Variants in SEMA3E observed in about 807,000 individuals in gnomAD.
The protein encoded by SEMA3E is semaphorin-3E.
Under a neutral mutation model 93.6 loss-of-function variants are expected in SEMA3E, and 49 were observed. The observed-to-expected ratio is 0.52, with a 90% CI of 0.42 to 0.66. The LOEUF is 0.66. Among genes scored for constraint, SEMA3E ranks in the 30% least tolerant of loss-of-function variants. The probability of loss-of-function intolerance (pLI) is 0.00; values close to 1 mark genes in which losing one functional copy is unlikely to be tolerated. For missense variants in SEMA3E, 906 were observed against 964.8 expected (o/e 0.94, Z 0.81); for synonymous variants, 363 against 330.7 (o/e 1.10, Z -1.06).
At chr7:83,561,607 C>T (rs531699641) in intron 1 of SEMA3E, among the ~76,000 whole-genome samples, 181 of 152,202 alleles carry the variant, frequency 1.2e-3, no homozygotes, top group African/African-American at 4.2e-3. Context: ...TGCCCTATTA[C>T]ATAATCTCAT....
At position 83,457,529 on chromosome 7, in the gene SEMA3E, T is replaced by C. The variant is rs141397656; in HGVS notation, c.456+8953A>G. On this transcript the variant is annotated intron_variant, in intron 4 of 16. Coordinates refer to ENST00000643230, the MANE Select transcript of SEMA3E (RefSeq NM_012431.3). ...CTTTCATGTTTGACATCAGACAAAA[T>C]GCTAAGTTACAGAAACTCTCCTGCT... Among the ~76,000 whole-genome samples, 411 of 152,328 alleles carry C rather than the reference T, an allele frequency of 2.7e-3. 2 individuals carry two copies. Among genetic ancestry groups the C allele is most frequent in the African/African-American group, 9.5e-3 (393 of 41,578 alleles).
chr7:83,469,324 T>A, intron 2 of SEMA3E, 22 bp from the exon 3 acceptor site: 3 of 1,537,640 alleles, frequency 2.0e-6, no homozygotes, highest in Non-Finnish European at 2.7e-6. Context: ...GATAATGTAC[T>A]ATTATGACAA....
At chr7:83,641,555 C>T (rs11974272) in intron 1 of SEMA3E, 2,636 of 170,134 alleles carry the variant, frequency 0.015, 69 homozygotes, top group African/African-American at 0.059. Flanking sequence ...CTCCAAGGTG[C>T]CATCAGATAA....
At chr7:83,626,120 A>G (rs1158279811) in intron 1 of SEMA3E, among the ~76,000 whole-genome samples, 1 of 152,162 alleles carries the variant, frequency 6.6e-6, no homozygotes, top group Non-Finnish European at 1.5e-5. Flanking sequence ...AATTTTGTTG[A>G]AGATTTTCAC....
At chr7:83,396,784 C>CAAAA (rs150931802) in intron 11 of SEMA3E, 55 bp from the exon 12 acceptor site, 4 of 1,167,300 alleles carry the variant, frequency 3.4e-6, no homozygotes, top group East Asian at 4.9e-5. Flanking sequence ...GTACGGTTTT[C>CAAAA]AAAAAAACCA....
intron 4 of SEMA3E, among the ~76,000 whole-genome samples, chr7:83,450,351 C>T (rs145696979): frequency 0.01 from 1,525 of 152,182 alleles, 11 homozygotes; most frequent in Admixed American, 0.015. Context: ...AGCACAATTG[C>T]TATAAACAAT....
intron 15 of SEMA3E, among the ~76,000 whole-genome samples, chr7:83,386,670 G>A (rs995246244): frequency 2.0e-5 from 3 of 152,154 alleles, no homozygotes; most frequent in African/African-American, 7.2e-5. Context: ...ATGAGATAAA[G>A]AGGTAAGTCA....
intron 1 of SEMA3E, among the ~76,000 whole-genome samples, chr7:83,564,336 T>C (rs1792097401): frequency 6.6e-6 from 1 of 152,028 alleles, no homozygotes; most frequent in Admixed American, 6.6e-5. Context: ...GGAGAATCAC[T>C]TGAACTTGGG....
At chr7:83,446,660 C>T (rs1332281600) in intron 4 of SEMA3E, among the ~76,000 whole-genome samples, 2 of 152,182 alleles carry the variant, frequency 1.3e-5, no homozygotes, top group Non-Finnish European at 2.9e-5. Context: ...CTCTACGTGA[C>T]CCTTCATAGT....
chr7:83,483,256 A>G (rs1790185832), intron 2 of SEMA3E, among the ~76,000 whole-genome samples: 1 of 152,202 alleles, frequency 6.6e-6, no homozygotes, highest in African/African-American at 2.4e-5. Flanking sequence ...AAGAGAAAAT[A>G]TATTTCAATG....
chr7:83,490,259 T>C lies in SEMA3E; in HGVS notation c.131A>G (p.Asn44Ser), dbSNP rs1790354577. 3.1e-6 allele frequency: 5 copies of C among 1,612,294 alleles called. No homozygotes were observed. In the South Asian group the frequency reaches 3.3e-5, roughly 11 times the overall value. ...RLSHKELLNL[N>S]RTSIFHSPFG... ...AGGGCTATGAAATATTGATGTTCTG[T>C]TCAGATTCAAGAGCTCTGAAATGCA... Residue 44 changes from asparagine (N) to serine (S), a missense_variant, in exon 2 of 17, where the codon AAC becomes AGC. Transcript: ENST00000643230.
intron 4 of SEMA3E, among the ~76,000 whole-genome samples, chr7:83,449,879 T>C (rs1789319402): frequency 6.6e-6 from 1 of 152,208 alleles, no homozygotes; most frequent in African/African-American, 2.4e-5. Context: ...TCACTGATTA[T>C]TTTCTGTATG....
rs192100666 is a variant in SEMA3E at position 83,514,782 on chromosome 7, C to T, written c.116-24508G>A. On this transcript the variant is annotated intron_variant, in intron 1 of 16. Transcript: ENST00000643230. ...CCATTATTAACTAGACATTCTGTAA[C>T]AAATTATAATTAAATGGAAATATAT... Among the ~76,000 whole-genome samples the T allele has an allele frequency of 8.6e-4, 131 of 151,984 alleles. 2 individuals are homozygous for T. Among genetic ancestry groups the T allele is most frequent in the Middle Eastern group, 6.8e-3 (2 of 294 alleles).
intron 4 of SEMA3E, among the ~76,000 whole-genome samples, chr7:83,436,299 GT>G (rs1422596336): frequency 6.6e-6 from 1 of 151,128 alleles, no homozygotes; most frequent in African/African-American, 2.4e-5. Context: ...TAATAAACTA[GT>G]AAGAAGAAAA....
intron 4 of SEMA3E, among the ~76,000 whole-genome samples, chr7:83,437,331 A>G (rs1562782418): frequency 6.6e-6 from 1 of 152,180 alleles, no homozygotes; most frequent in Non-Finnish European, 1.5e-5. Flanking sequence ...AAGATATAGG[A>G]CAATTAAAGT....
At chr7:83,594,700 G>A (rs375506395) in intron 1 of SEMA3E, among the ~76,000 whole-genome samples, 18 of 152,030 alleles carry the variant, frequency 1.2e-4, no homozygotes, top group African/African-American at 4.1e-4. Context: ...TCTAGTATCC[G>A]TTTCCCCTTT....
At chr7:83,556,957 T>C (rs755448380) in intron 1 of SEMA3E, among the ~76,000 whole-genome samples, 5 of 152,118 alleles carry the variant, frequency 3.3e-5, no homozygotes, top group African/African-American at 1.2e-4. Context: ...GACTAGGATC[T>C]TACCAGACAC....
chr7:83,561,680 T>C (rs1448513797), intron 1 of SEMA3E, among the ~76,000 whole-genome samples: 4 of 152,288 alleles, frequency 2.6e-5, no homozygotes, highest in Non-Finnish European at 5.9e-5. Context: ...ATGTCAATCT[T>C]ACCTGTAGCT....
At chr7:83,446,495 G>C (rs747036536) in intron 4 of SEMA3E, among the ~76,000 whole-genome samples, 1 of 152,134 alleles carries the variant, frequency 6.6e-6, no homozygotes, top group Non-Finnish European at 1.5e-5. Context: ...CCCTGTGTCA[G>C]AAAAAAGCAA....
Sources: allele counts gnomAD v4.1 joint callset (sites outside exome capture counted in the v4.1 genomes callset), GRCh38; gene constraint gnomAD v4.1.1; transcripts MANE v1.5; gene names NCBI Gene and HGNC (gene_info 2026-07-23, HGNC 2026-07-21).